SLC4A10: variants seen among roughly 807,000 people sequenced by gnomAD.
SLC4A10 encodes solute carrier family 4 member 10.
Under a neutral mutation model 137.7 loss-of-function variants are expected in SLC4A10, and 42 were observed. That is an observed-to-expected ratio of 0.30 (90% CI 0.24 to 0.39). The LOEUF is 0.39. SLC4A10 is among the 10% of genes least tolerant of loss of function. The pLI is 1.00. For missense variants in SLC4A10, 925 were observed against 1,355.0 expected, an observed-to-expected ratio of 0.68 and a Z score of 4.98; for synonymous variants, 474 against 464.1, an observed-to-expected ratio of 1.02 and a Z score of -0.27.
At chr2:161,757,924 G>T (rs967275813) in intron 1 of SLC4A10, among the ~76,000 whole-genome samples, 1 of 151,916 alleles carries the variant, frequency 6.6e-6, no homozygotes, top group African/African-American at 2.4e-5. Flanking sequence ...TTTTGGTCTT[G>T]TGAAGAGAAT....
intron 15 of SLC4A10, among the ~76,000 whole-genome samples, chr2:161,925,669 C>G (rs138602883): frequency 0.067 from 10,191 of 151,936 alleles, 443 homozygotes; most frequent in East Asian, 0.13. Flanking sequence ...GATCTTTCCT[C>G]CTTTCTCTTG....
rs77544332 is a variant in SLC4A10, at chr2:161,898,207, G to A, written c.1342-2704G>A. 9.3e-3 allele frequency among the ~76,000 whole-genome samples: 1,418 copies of A among 152,120 alleles called. 22 individuals are homozygous for A. Among genetic ancestry groups the A allele is most frequent in the African/African-American group, 0.032 (1,340 of 41,510 alleles). Reference sequence around the variant, plus strand: ...TTCTGCAATAATGGAAATATTCTACGTCTATGCTATCCAGTAATCAAGCCA... The same window carrying A: ...TTCTGCAATAATGGAAATATTCTACATCTATGCTATCCAGTAATCAAGCCA... On this transcript the variant is annotated intron_variant, in intron 11 of 26. Coordinates refer to ENST00000446997, the MANE Select transcript of SLC4A10 (RefSeq NM_001178015.2).
At chr2:161,852,531 T>C (rs2059889905) in intron 4 of SLC4A10, among the ~76,000 whole-genome samples, 1 of 152,202 alleles carries the variant, frequency 6.6e-6, no homozygotes, top group South Asian at 2.1e-4. Context: ...TATTTTTATC[T>C]AGCACAGTAG....
intron 1 of SLC4A10, among the ~76,000 whole-genome samples, chr2:161,717,609 C>A (rs185593755): frequency 8.3e-4 from 126 of 152,026 alleles, no homozygotes; most frequent in African/African-American, 2.7e-3. Context: ...GATTTGCATA[C>A]GCTGAACCAC....
At chr2:161,810,236 T>G (rs2056409561) in intron 3 of SLC4A10, among the ~76,000 whole-genome samples, 1 of 152,082 alleles carries the variant, frequency 6.6e-6, no homozygotes. Flanking sequence ...GAAACTTTAC[T>G]GAAATTGTCA....
intron 2 of SLC4A10, among the ~76,000 whole-genome samples, chr2:161,799,793 A>T (rs935586869): frequency 6.6e-6 from 1 of 151,974 alleles, no homozygotes; most frequent in African/African-American, 2.4e-5. Flanking sequence ...ACAGAGAATT[A>T]TTATTACTTA....
intron 4 of SLC4A10, among the ~76,000 whole-genome samples, chr2:161,847,626 G>A (rs1332037313): frequency 6.6e-6 from 1 of 152,126 alleles, no homozygotes; most frequent in Non-Finnish European, 1.5e-5. Context: ...AGAACTTGCA[G>A]TATTTAGTTT....
At chr2:161,910,720 A>AT (rs1028727167) in intron 15 of SLC4A10, among the ~76,000 whole-genome samples, 13 of 151,934 alleles carry the variant, frequency 8.6e-5, no homozygotes, top group African/African-American at 1.9e-4. Context: ...GTTATGAGAA[A>AT]TTTTTTTATT....
chr2:161,834,997 GT>G (rs1165059543), intron 3 of SLC4A10, among the ~76,000 whole-genome samples: 1 of 150,946 alleles, frequency 6.6e-6, no homozygotes, highest in Non-Finnish European at 1.5e-5. Context: ...TAAATAACAT[GT>G]TCTTTCTAGG....
intron 10 of SLC4A10, among the ~76,000 whole-genome samples, chr2:161,892,034 A>G (rs1464850392): frequency 6.6e-6 from 1 of 152,108 alleles, no homozygotes; most frequent in Non-Finnish European, 1.5e-5. Context: ...AGAGGAATGT[A>G]AAATAATTAA....
intron 10 of SLC4A10, among the ~76,000 whole-genome samples, chr2:161,883,775 C>G (rs964920798): frequency 6.6e-6 from 1 of 152,062 alleles, no homozygotes; most frequent in Non-Finnish European, 1.5e-5. Flanking sequence ...ATGGCTTTCT[C>G]CCAGTTGTCT....
intron 10 of SLC4A10, among the ~76,000 whole-genome samples, chr2:161,892,879 T>C (rs1246247722): frequency 6.6e-6 from 1 of 152,118 alleles, no homozygotes; most frequent in African/African-American, 2.4e-5. Context: ...TATGATAAGA[T>C]AAATTAGGTT....
intron 15 of SLC4A10, among the ~76,000 whole-genome samples, chr2:161,912,143 T>C (rs1007746265): frequency 6.6e-5 from 10 of 152,154 alleles, no homozygotes; most frequent in African/African-American, 2.4e-4. Context: ...GCTAAGGGAT[T>C]GGCAGATAGT....
chr2:161,969,432 G>T (rs749821358), intron 23 of SLC4A10, among the ~76,000 whole-genome samples: 12 of 152,200 alleles, frequency 7.9e-5, no homozygotes, highest in Non-Finnish European at 1.2e-4. Context: ...TCTGTGTAAA[G>T]GGAAGACTGC....
intron 2 of SLC4A10, among the ~76,000 whole-genome samples, chr2:161,794,246 A>G (rs953535263): frequency 6.6e-6 from 1 of 152,154 alleles, no homozygotes; most frequent in African/African-American, 2.4e-5. Context: ...CCAACTTACA[A>G]ATAAAGAAAT....
Position 161,803,381 on chromosome 2 carries a change from G to A in SLC4A10, c.131-1068G>A, listed in dbSNP as rs529387651. 9.9e-5 allele frequency among the ~76,000 whole-genome samples: 15 copies of A among 151,868 alleles called. No individual in the cohort carries two copies. The South Asian group carries it at 1.5e-3, about 15-fold the overall frequency. On this transcript the variant is annotated intron_variant, in intron 2 of 26. Coordinates refer to ENST00000446997, the MANE Select transcript of SLC4A10 (RefSeq NM_001178015.2). ...CATTAATAGGTTATTATCAACCAAAGTCCATAGTTTACATTAGGGTTCACT... is the reference window on the plus strand; with the variant it reads ...CATTAATAGGTTATTATCAACCAAAATCCATAGTTTACATTAGGGTTCACT...
At chr2:161,748,356 C>G (rs2048601785) in intron 1 of SLC4A10, among the ~76,000 whole-genome samples, 1 of 151,830 alleles carries the variant, frequency 6.6e-6, no homozygotes. Flanking sequence ...AGCCCAATGT[C>G]AAGGAGATTT....
chr2:161,766,712 A>G (rs1352370252), intron 1 of SLC4A10, among the ~76,000 whole-genome samples: 1 of 152,040 alleles, frequency 6.6e-6, no homozygotes, highest in African/African-American at 2.4e-5. Context: ...GGTTTGGGAA[A>G]ATTATATATA....
intron 4 of SLC4A10, among the ~76,000 whole-genome samples, chr2:161,844,798 A>G (rs531617319): frequency 6.6e-6 from 1 of 152,216 alleles, no homozygotes; most frequent in South Asian, 2.1e-4. Context: ...TGAAACACCT[A>G]TTTAATGTTG....
Sources: allele counts gnomAD v4.1 joint callset (sites outside exome capture counted in the v4.1 genomes callset), GRCh38; gene constraint gnomAD v4.1.1; transcripts MANE v1.5; gene names NCBI Gene and HGNC (gene_info 2026-07-23, HGNC 2026-07-21).